PTPRT: variants seen among roughly 807,000 people sequenced by gnomAD.
The protein encoded by PTPRT is receptor-type tyrosine-protein phosphatase T.
PTPRT carries 56 observed loss-of-function variants against 176.8 expected under a neutral mutation model. That is an observed-to-expected ratio of 0.32 (90% confidence interval 0.26 to 0.40). The LOEUF (loss-of-function observed/expected upper bound fraction) is 0.40. PTPRT is among the 10% of genes least tolerant of loss of function. PTPRT has a pLI of 1.00. For synonymous variants in PTPRT, 783 were observed against 739.0 expected (o/e 1.06, Z -0.96); for missense variants, 1,540 against 1,908.2 (o/e 0.81, Z 3.60).
At chr20:42,035,738 T>TAGGC in the PTPRT span, among the ~76,000 whole-genome samples, 2 of 152,182 alleles carry the variant, frequency 1.3e-5, no homozygotes, top group African/African-American at 4.8e-5. Flanking sequence ...TGGTACAAAA[T>TAGGC]AGGCACTCAG....
chr20:42,310,676 T>C (rs1254161735), intron 12 of PTPRT, among the ~76,000 whole-genome samples: 2 of 152,170 alleles, frequency 1.3e-5, no homozygotes, highest in Non-Finnish European at 2.9e-5. Context: ...AAGTCCTTCC[T>C]ACTCTATGAT....
At chr20:42,784,008 A>G (rs1371343185) in intron 3 of PTPRT, among the ~76,000 whole-genome samples, 1 of 152,176 alleles carries the variant, frequency 6.6e-6, no homozygotes, top group Non-Finnish European at 1.5e-5. Context: ...GATGCTCTTC[A>G]GCTCCAAGGC....
chr20:42,049,790 C>A, the PTPRT span, among the ~76,000 whole-genome samples: 80,114 of 151,916 alleles, frequency 0.53, 22,095 homozygotes, highest in Middle Eastern at 0.69. Context: ...AGGGAAACTT[C>A]GAGATAAAGT....
At chr20:42,709,722 G>A (rs1300837276) in intron 6 of PTPRT, among the ~76,000 whole-genome samples, 1 of 152,168 alleles carries the variant, frequency 6.6e-6, no homozygotes, top group Non-Finnish European at 1.5e-5. Context: ...GGCAGAGGCT[G>A]GAAGAGTTTG....
intron 1 of PTPRT, among the ~76,000 whole-genome samples, chr20:42,987,338 G>A (rs933687165): frequency 3.9e-5 from 6 of 152,140 alleles, no homozygotes; most frequent in East Asian, 1.9e-4. Flanking sequence ...TTCCTCAGTC[G>A]CACGAGCCAC....
intron 2 of PTPRT, among the ~76,000 whole-genome samples, chr20:42,868,675 T>C (rs1356176291): frequency 6.6e-6 from 1 of 152,168 alleles, no homozygotes; most frequent in African/African-American, 2.4e-5. Flanking sequence ...TTAAGATGCC[T>C]GATAGGGTTA....
chr20:43,163,515 A>G (rs553574333), intron 1 of PTPRT, among the ~76,000 whole-genome samples: 3 of 152,106 alleles, frequency 2.0e-5, no homozygotes, highest in East Asian at 1.9e-4. Flanking sequence ...GTGGGCGCCT[A>G]TAGTCCCAGC....
chr20:42,254,363 C>T (rs1202654959), intron 13 of PTPRT, among the ~76,000 whole-genome samples: 1 of 152,152 alleles, frequency 6.6e-6, no homozygotes, highest in Non-Finnish European at 1.5e-5. Context: ...TGAGCCCTAC[C>T]CCAGACCTAC....
chr20:43,082,072 C>T (rs2011456846), intron 1 of PTPRT, among the ~76,000 whole-genome samples: 1 of 152,118 alleles, frequency 6.6e-6, no homozygotes, highest in Non-Finnish European at 1.5e-5. Context: ...AACTGCTAGC[C>T]TGGTGTTATT....
At chr20:42,539,212 G>A (rs1363357958) in intron 7 of PTPRT, among the ~76,000 whole-genome samples, 1 of 152,102 alleles carries the variant, frequency 6.6e-6, no homozygotes, top group African/African-American at 2.4e-5. Flanking sequence ...GTGGGGCTGA[G>A]TACACACTAA....
Position 43,106,736 on chromosome 20 carries a change from G to A in PTPRT, c.88+82910C>T, listed in dbSNP as rs1321334003. ...GGAAGGGAGGGAGGGAGGGAGGGGA[G>A]ACAGACGTATTTGTGGGAAAGTAAA... On this transcript the variant is annotated intron_variant, in intron 1 of 30. Transcript: ENST00000373187. Among the ~76,000 whole-genome samples the A allele has an allele frequency of 2.0e-5, 3 of 150,352 alleles. No homozygotes were observed. In the East Asian group the frequency reaches 5.8e-4, roughly 29 times the overall value.
chr20:42,122,448 G>A (rs1987637862), intron 19 of PTPRT, among the ~76,000 whole-genome samples: 1 of 152,174 alleles, frequency 6.6e-6, no homozygotes, highest in South Asian at 2.1e-4. Flanking sequence ...ACAAGGGGTA[G>A]GAAGACCTAT....
chr20:42,573,937 A>T (rs1328651185), intron 7 of PTPRT, among the ~76,000 whole-genome samples: 1 of 151,614 alleles, frequency 6.6e-6, no homozygotes, highest in Non-Finnish European at 1.5e-5. Context: ...TTTAGTAGAG[A>T]CGGGGTTTCA....
chr20:42,199,141 T>C, intron 16 of PTPRT, 99 bp downstream of exon 16: 1 of 1,430,766 alleles, frequency 7.0e-7, no homozygotes, highest in South Asian at 1.4e-5. Flanking sequence ...CCATACCCTA[T>C]GCCTGGCAGC....
intron 1 of PTPRT, among the ~76,000 whole-genome samples, chr20:43,155,768 A>T (rs2014499423): frequency 6.6e-6 from 1 of 152,208 alleles, no homozygotes; most frequent in Non-Finnish European, 1.5e-5. Context: ...TATATGTCAA[A>T]ACATCATGTT....
intron 11 of PTPRT, among the ~76,000 whole-genome samples, chr20:42,325,153 G>A (rs1285347014): frequency 6.6e-6 from 1 of 152,108 alleles, no homozygotes; most frequent in Non-Finnish European, 1.5e-5. Flanking sequence ...AACTCTGCCA[G>A]GGAAGGATTC....
At chr20:42,650,860 A>G (rs1461382861) in intron 7 of PTPRT, among the ~76,000 whole-genome samples, 2 of 152,172 alleles carry the variant, frequency 1.3e-5, no homozygotes, top group Non-Finnish European at 2.9e-5. Flanking sequence ...GGCCAGGCAA[A>G]TGCAATTGGA....
chr20:42,161,343 G>T lies in PTPRT; in HGVS notation c.2682+9C>A. Reference sequence around the variant, plus strand: ...TATCAGGAAGTTTCCCCACAGGCTGGTCTCTTACCTCGTATTCCTCCTTGA... The same window carrying T: ...TATCAGGAAGTTTCCCCACAGGCTGTTCTCTTACCTCGTATTCCTCCTTGA... On this transcript the variant is annotated intron_variant, in intron 17 of 30. Coordinates refer to ENST00000373187, the MANE Select transcript of PTPRT (RefSeq NM_007050.6). 1 of 1,613,992 alleles carries T rather than the reference G, an allele frequency of 6.2e-7. No individual in the cohort carries two copies. The highest frequency in any genetic ancestry group is 8.5e-7 in the Non-Finnish European group (1 of 1,179,928).
At chr20:42,753,873 C>T (rs2076795694) in intron 6 of PTPRT, among the ~76,000 whole-genome samples, 1 of 152,192 alleles carries the variant, frequency 6.6e-6, no homozygotes, top group African/African-American at 2.4e-5. Context: ...AATAATAAAC[C>T]AAGCGTTTTC....
Sources: gnomAD v4.1 joint callset for allele counts (sites outside exome capture counted in the v4.1 genomes callset) on GRCh38, gnomAD v4.1.1 for gene constraint, MANE v1.5 for transcripts, NCBI Gene and HGNC (gene_info 2026-07-23, HGNC 2026-07-21) for gene names.